The following RBFOX1 variants were observed in gnomAD, a reference collection of about 807,000 sequenced individuals.
RBFOX1 encodes the protein RNA binding fox-1 homolog 1, also known as RNA binding protein fox-1 homolog 1.
RBFOX1 carries 8 observed loss-of-function variants against 57.7 expected under a neutral mutation model. That is an observed-to-expected ratio of 0.14 (90% CI 0.08 to 0.25). The LOEUF is 0.25. RBFOX1 is among the 10% of genes least tolerant of loss of function. The pLI, the probability that RBFOX1 is intolerant of heterozygous loss-of-function variation, is 1.00. For missense variants in RBFOX1, 611 were observed against 548.5 expected, an observed-to-expected ratio of 1.11 and a Z score of -1.14; for synonymous variants, 326 against 222.4, an observed-to-expected ratio of 1.47 and a Z score of -4.15.
At chr16:6,299,556 C>T (rs1211876068) in intron 1 of RBFOX1, among the ~76,000 whole-genome samples, 1 of 152,046 alleles carries the variant, frequency 6.6e-6, no homozygotes, top group African/African-American at 2.4e-5. Context: ...CTCTACCTTC[C>T]CAAGACCCCA....
intron 4 of RBFOX1, among the ~76,000 whole-genome samples, chr16:7,272,836 C>T (rs1181998502): frequency 6.7e-6 from 1 of 149,932 alleles, no homozygotes; most frequent in African/African-American, 2.5e-5. Context: ...CTCCTCCCTC[C>T]CCTCCCTCCC....
chr16:7,291,795 G>T (rs1307549084), intron 4 of RBFOX1, among the ~76,000 whole-genome samples: 1 of 151,354 alleles, frequency 6.6e-6, no homozygotes, highest in Non-Finnish European at 1.5e-5. Context: ...TCTGCAAAGA[G>T]TCTGATGCAA....
intron 4 of RBFOX1, among the ~76,000 whole-genome samples, chr16:7,144,575 C>T (rs992990239): frequency 1.3e-5 from 2 of 151,890 alleles, no homozygotes; most frequent in Admixed American, 1.3e-4. Context: ...CATGCATGAG[C>T]TACTGCGCCT....
chr16:7,448,997 T>C (rs1042770928), intron 4 of RBFOX1, among the ~76,000 whole-genome samples: 1 of 131,214 alleles, frequency 7.6e-6, no homozygotes. Context: ...TGGCGCGATA[T>C]CGGCTCACCA....
At chr16:6,763,800 G>A (rs531413154) in intron 3 of RBFOX1, among the ~76,000 whole-genome samples, 10 of 152,272 alleles carry the variant, frequency 6.6e-5, no homozygotes, top group African/African-American at 1.9e-4. Context: ...ACACTGAAAC[G>A]TGTGGGAATA....
chr16:6,336,613 C>T (rs1443850888), intron 2 of RBFOX1, among the ~76,000 whole-genome samples: 1 of 152,118 alleles, frequency 6.6e-6, no homozygotes, highest in Admixed American at 6.5e-5. Context: ...TCACACACCA[C>T]CCGGGAGAAC....
chr16:7,710,485 G>A (rs377308778), intron 15 of RBFOX1, 138 bp from the exon 16 acceptor site: 5 of 1,532,870 alleles, frequency 3.3e-6, no homozygotes, highest in Non-Finnish European at 4.3e-6. Flanking sequence ...AGTTCTCCAA[G>A]AATGACCTGG....
Position 5,670,210 on chromosome 16 carries a change from G to T in RBFOX1, c.318+71249G>T, listed in dbSNP as rs939296443. Among the ~76,000 whole-genome samples the T allele has an allele frequency of 2.6e-5, 4 of 152,270 alleles. No homozygotes were observed. In the South Asian group the frequency reaches 8.3e-4, roughly 32 times the overall value. On this transcript the variant is annotated intron_variant, in intron 3 of 19. Coordinates refer to the RBFOX1 transcript ENST00000641259. ...GGGTTTTGAGGAGTGGCTGCTTAAC[G>T]GGTCTGAGGTTTCCTTGTAATGAAA...
At chr16:6,987,753 C>T (rs556006319) in intron 3 of RBFOX1, among the ~76,000 whole-genome samples, 2 of 152,254 alleles carry the variant, frequency 1.3e-5, no homozygotes, top group South Asian at 4.2e-4. Context: ...GTGCCTCTTG[C>T]AGATAGCAGA....
rs1242143315 is a variant in RBFOX1 at position 7,700,264 on chromosome 16, C to T, written c.996-8792C>T. Among the ~76,000 whole-genome samples the T allele has an allele frequency of 2.0e-5, 3 of 152,144 alleles. No homozygotes were observed. In the South Asian group the frequency reaches 6.2e-4, roughly 32 times the overall value. On this transcript the variant is annotated intron_variant, in intron 14 of 15. Coordinates refer to ENST00000550418, the MANE Select transcript of RBFOX1 (RefSeq NM_018723.4). ...CAGTCCTCTCAGTCTTAATAACTGT[C>T]ACTTGTTTAGTCCTTAACTAGTAAT... is the stretch of plus-strand genomic sequence containing the variant.
intron 2 of RBFOX1, among the ~76,000 whole-genome samples, chr16:6,548,101 T>C (rs975645894): frequency 1.3e-5 from 2 of 152,208 alleles, no homozygotes; most frequent in Admixed American, 1.3e-4. Flanking sequence ...AGGATACACA[T>C]ATTTCACATA....
At chr16:5,240,046 G>A (rs1373864447) in exon 1 of RBFOX1, 1 of 1,532,190 alleles carries the variant, frequency 6.5e-7, no homozygotes. Context: ...GGACGGGAAG[G>A]ACGCGCCGCG....
At chr16:7,211,780 G>A (rs1372792425) in intron 4 of RBFOX1, among the ~76,000 whole-genome samples, 1 of 152,148 alleles carries the variant, frequency 6.6e-6, no homozygotes, top group African/African-American at 2.4e-5. Flanking sequence ...CAAGCCCCCT[G>A]TCTCTAGGTT....
intron 12 of RBFOX1, among the ~76,000 whole-genome samples, chr16:7,655,943 C>T (rs894406817): frequency 2.6e-5 from 4 of 152,228 alleles, no homozygotes; most frequent in African/African-American, 9.6e-5. Flanking sequence ...CCATGCATAA[C>T]TAATTAATGC....
intron 3 of RBFOX1, among the ~76,000 whole-genome samples, chr16:5,865,691 C>G (rs560364405): frequency 5.1e-4 from 78 of 152,264 alleles, no homozygotes; most frequent in African/African-American, 1.7e-3. Flanking sequence ...CATTTGTGAG[C>G]TGGTATTGGT....
chr16:7,700,741 T>G (rs770100842), intron 14 of RBFOX1, among the ~76,000 whole-genome samples: 16 of 152,188 alleles, frequency 1.1e-4, no homozygotes, highest in African/African-American at 2.4e-4. Flanking sequence ...AAGTGGGACT[T>G]ACTTACTGTG....
At chr16:7,461,128 C>T (rs1047675441) in intron 4 of RBFOX1, among the ~76,000 whole-genome samples, 9 of 151,978 alleles carry the variant, frequency 5.9e-5, no homozygotes, top group Admixed American at 2.0e-4. Context: ...TTATATTTCA[C>T]GTGGTTGATA....
chr16:6,661,099 A>C (rs750048157), intron 3 of RBFOX1, among the ~76,000 whole-genome samples: 34 of 152,328 alleles, frequency 2.2e-4, no homozygotes, highest in African/African-American at 7.5e-4. Context: ...AAATGTGGCC[A>C]TGTGGAATAT....
At chr16:7,045,724 C>A (rs962427151) in intron 3 of RBFOX1, among the ~76,000 whole-genome samples, 3 of 151,954 alleles carry the variant, frequency 2.0e-5, no homozygotes, top group Admixed American at 2.0e-4. Context: ...GCTTGATCTT[C>A]ATTCACTGCC....
Sources: allele counts gnomAD v4.1 joint callset (sites outside exome capture counted in the v4.1 genomes callset), GRCh38; gene constraint gnomAD v4.1.1; transcripts MANE v1.5; gene names NCBI Gene and HGNC (gene_info 2026-07-23, HGNC 2026-07-21).